The following BICRAL variants were observed in gnomAD, a reference collection of about 807,000 sequenced individuals.
The protein encoded by BICRAL is BRD4-interacting chromatin-remodeling complex-associated protein-like.
Under a neutral mutation model 91.8 loss-of-function variants are expected in BICRAL, and 8 were observed. That is an observed-to-expected ratio of 0.09 (90% CI 0.05 to 0.16). BICRAL has a LOEUF of 0.16. Among genes scored for constraint, BICRAL ranks in the 10% least tolerant of loss-of-function variants. The pLI is 1.00. For synonymous variants in BICRAL, 445 were observed against 491.1 expected, an observed-to-expected ratio of 0.91 and a Z score of 1.24; for missense variants, 1,038 against 1,310.9, an observed-to-expected ratio of 0.79 and a Z score of 3.21.
chr6:42,849,815 G>A (rs1359090877), intron 6 of BICRAL, among the ~76,000 whole-genome samples: 1 of 151,492 alleles, frequency 6.6e-6, no homozygotes, highest in South Asian at 2.1e-4. Context: ...ACTTTGGGAG[G>A]CCAAGGCAGG....
chr6:42,835,246 A>C (rs1764606641), intron 6 of BICRAL, among the ~76,000 whole-genome samples: 1 of 151,968 alleles, frequency 6.6e-6, no homozygotes, highest in African/African-American at 2.4e-5. Flanking sequence ...CGCCTGCCTC[A>C]GCCTCCCAAG....
intron 2 of BICRAL, among the ~76,000 whole-genome samples, chr6:42,814,169 A>G (rs1025861955): frequency 2.0e-5 from 3 of 149,532 alleles, no homozygotes; most frequent in Non-Finnish European, 4.4e-5. Flanking sequence ...ATGTTATAGC[A>G]ACTTACTACA....
intron 1 of BICRAL, among the ~76,000 whole-genome samples, chr6:42,790,308 A>G (rs555476922): frequency 1.3e-5 from 2 of 150,848 alleles, no homozygotes; most frequent in African/African-American, 4.9e-5. Flanking sequence ...ATAGAAATGC[A>G]ACACCATGCC....
chr6:42,756,878 C>T lies in BICRAL; in HGVS notation c.-261+9855C>T, dbSNP rs867680494. ...TGCGCTGTCTCTCGCTTGGCTCTCGCGCGCGCGCTCTCTCTCTCTCTCTCT... is the reference window on the plus strand; with the variant it reads ...TGCGCTGTCTCTCGCTTGGCTCTCGTGCGCGCGCTCTCTCTCTCTCTCTCT... On this transcript the variant is annotated intron_variant, in intron 1 of 14. Transcript: ENST00000614467. 6.1e-4 allele frequency among the ~76,000 whole-genome samples: 92 copies of T among 150,134 alleles called. No individual in the cohort carries two copies. The Middle Eastern group carries it at 0.017, about 28-fold the overall frequency.
chr6:42,850,047 T>A (rs9471931), intron 6 of BICRAL, among the ~76,000 whole-genome samples: 14 of 139,582 alleles, frequency 1.0e-4, no homozygotes, highest in African/African-American at 4.2e-4. Flanking sequence ...AATAAATAAA[T>A]AAAATAAATA....
upstream of BICRAL, among the ~76,000 whole-genome samples, chr6:42,779,273 CAT>C (rs1450031629): frequency 4.7e-3 from 639 of 134,654 alleles, 9 homozygotes; most frequent in East Asian, 0.067. Context: ...CACACACACA[CAT>C]ATCATTGGAG....
intron 1 of BICRAL, among the ~76,000 whole-genome samples, chr6:42,790,290 C>CT (rs1307015851): frequency 6.6e-6 from 1 of 151,026 alleles, no homozygotes; most frequent in African/African-American, 2.4e-5. Context: ...TCCCAAGTAG[C>CT]TGGGACTATA....
chr6:42,785,222 G>A (rs1763068268), intron 1 of BICRAL, among the ~76,000 whole-genome samples: 1 of 151,942 alleles, frequency 6.6e-6, no homozygotes, highest in African/African-American at 2.4e-5. Flanking sequence ...AGGCTTCTAG[G>A]TCTAGCCAGG....
chr6:42,775,389 A>G (rs1762793035), intron 1 of BICRAL, among the ~76,000 whole-genome samples: 1 of 152,308 alleles, frequency 6.6e-6, no homozygotes, highest in South Asian at 2.1e-4. Flanking sequence ...AGCACCTTAA[A>G]GCCTGATTAT....
In BICRAL at chr6:42,867,634, T is replaced by C. The variant is rs1033224328; in HGVS notation, c.*2188T>C. On this transcript the variant is annotated 3_prime_UTR_variant, in exon 13 of 13. Coordinates refer to ENST00000314073, the MANE Select transcript of BICRAL (RefSeq NM_001393499.1). ...TGGGCTGCTAGTGAGTTACATTAAT[T>C]ACTGCAAATCAGTGGAATTCTCAAG... is the stretch of plus-strand genomic sequence containing the variant. 5 of 152,244 alleles carry C rather than the reference T, an allele frequency of 3.3e-5. No homozygotes were observed. The highest frequency in any genetic ancestry group is 1.2e-4 in the African/African-American group (5 of 41,448). The allele number at this position is 152,244 out of a possible 1,614,324, so 9.4% of individuals were successfully genotyped here. A position where few individuals can be genotyped will look rare whatever the true frequency, so the allele number is the denominator to read the frequency against.
In BICRAL at chr6:42,836,606, T is replaced by G. The variant is rs147409965; in HGVS notation, c.1839+6434T>G. Among the ~76,000 whole-genome samples, 96 of 151,742 alleles carry G rather than the reference T, an allele frequency of 6.3e-4. No homozygotes were observed. The East Asian group carries it at 0.014, about 21-fold the overall frequency. The stretch of plus-strand genomic sequence containing the variant: ...CCCAGAAACACAGAAATTATTTGCT[T>G]TCTGTGTAGTTTCTTTTTTTTTTTT... On this transcript the variant is annotated intron_variant, in intron 6 of 12. Coordinates refer to ENST00000314073, the MANE Select transcript of BICRAL (RefSeq NM_001393499.1).
intron 2 of BICRAL, among the ~76,000 whole-genome samples, chr6:42,811,824 C>T (rs1296557831): frequency 6.6e-6 from 1 of 152,120 alleles, no homozygotes; most frequent in East Asian, 1.9e-4. Context: ...AGTTTGTGTT[C>T]CCATCTGCAA....
At chr6:42,842,856 A>AC (rs1554281740) in intron 6 of BICRAL, among the ~76,000 whole-genome samples, 1 of 142,466 alleles carries the variant, frequency 7.0e-6, no homozygotes, top group East Asian at 2.1e-4. Flanking sequence ...AGAACACAGT[A>AC]TTTTTTTTTT....
At chr6:42,782,510 G>A (rs1232511158) in intron 1 of BICRAL, among the ~76,000 whole-genome samples, 7 of 150,970 alleles carry the variant, frequency 4.6e-5, no homozygotes, top group African/African-American at 1.5e-4. Context: ...GGGGCGGCGA[G>A]GCCGGGCCGG....
chr6:42,838,837 TG>T (rs1313281889), intron 6 of BICRAL, among the ~76,000 whole-genome samples: 13 of 152,164 alleles, frequency 8.5e-5, no homozygotes, highest in Non-Finnish European at 1.0e-4. Flanking sequence ...GGTGCATGCC[TG>T]TAATCCCAGC....
At chr6:42,775,956 C>G (rs914247568) in intron 1 of BICRAL, among the ~76,000 whole-genome samples, 1 of 152,138 alleles carries the variant, frequency 6.6e-6, no homozygotes, top group African/African-American at 2.4e-5. Context: ...CAACAACAAC[C>G]ACAACAATAA....
chr6:42,799,794 T>C (rs1194719831), intron 1 of BICRAL, among the ~76,000 whole-genome samples: 4 of 152,194 alleles, frequency 2.6e-5, no homozygotes, highest in Non-Finnish European at 1.5e-5. Flanking sequence ...ATCTTTAAAC[T>C]CTTTGTAGAA....
chr6:42,819,390 A>G (rs902903566), intron 2 of BICRAL, among the ~76,000 whole-genome samples: 1 of 152,134 alleles, frequency 6.6e-6, no homozygotes, highest in African/African-American at 2.4e-5. Context: ...GGTTCAAGCA[A>G]TTCTCCTGCC....
chr6:42,865,373 C>T lies in BICRAL; in HGVS notation c.3167C>T (p.Pro1056Leu), dbSNP rs768790891. 12 of 1,613,266 alleles carry T rather than the reference C, an allele frequency of 7.4e-6. No homozygotes were observed. The highest frequency in any genetic ancestry group is 2.2e-5 in the East Asian group (1 of 44,900). The change falls in exon 13 of 13, where the codon CCG becomes CTG. Residue 1056 changes from proline to leucine, a missense_variant. Coordinates refer to ENST00000314073, the MANE Select transcript of BICRAL (RefSeq NM_001393499.1). ...SQENCLEKFIPDHSEGVVETD... is the reference protein window; with the variant it reads ...SQENCLEKFILDHSEGVVETD... Reference sequence around the variant, plus strand: ...GAAAACTGCCTGGAAAAGTTCATCCCGGACCACAGTGAAGGTGTTGTAGAA... The same window carrying T: ...GAAAACTGCCTGGAAAAGTTCATCCTGGACCACAGTGAAGGTGTTGTAGAA...
Sources: gnomAD v4.1 joint callset for allele counts (sites outside exome capture counted in the v4.1 genomes callset) on GRCh38, gnomAD v4.1.1 for gene constraint, MANE v1.5 for transcripts, NCBI Gene and HGNC (gene_info 2026-07-23, HGNC 2026-07-21) for gene names.